The following MAP3K21 variants were observed in gnomAD, a reference collection of about 807,000 sequenced individuals.
MAP3K21 encodes mitogen-activated protein kinase kinase kinase MLK4.
A neutral mutation model predicts 86.1 loss-of-function variants in MAP3K21; 63 were observed. The ratio of observed to expected loss-of-function variants is 0.73; its 90% CI spans 0.60 to 0.90. The LOEUF (loss-of-function observed/expected upper bound fraction) is 0.90, where lower values mean the gene tolerates loss of function less well. Among genes scored for constraint, MAP3K21 ranks in the 40% least tolerant of loss-of-function variants. The pLI is 0.00. For synonymous variants in MAP3K21, 558 were observed against 564.8 expected (o/e 0.99, Z 0.17); for missense variants, 1,220 against 1,367.7 (o/e 0.89, Z 1.70).
intron 2 of MAP3K21, among the ~76,000 whole-genome samples, chr1:233,353,367 G>A (rs1025594753): frequency 3.3e-5 from 5 of 152,102 alleles, no homozygotes; most frequent in African/African-American, 1.2e-4. Context: ...TGTCAGCCCT[G>A]TGGCATGCAC....
chr1:233,331,084 G>T (rs1347767064), intron 1 of MAP3K21, among the ~76,000 whole-genome samples: 6 of 152,188 alleles, frequency 3.9e-5, no homozygotes, highest in African/African-American at 4.8e-5. Flanking sequence ...AGAAAAACTT[G>T]TATAGTGGAG....
intron 1 of MAP3K21, among the ~76,000 whole-genome samples, chr1:233,338,155 C>T (rs192447356): frequency 3.5e-4 from 53 of 152,302 alleles, no homozygotes; most frequent in Non-Finnish European, 5.9e-4. Context: ...GAGTATACTA[C>T]ATGTCCATGT....
At chr1:233,364,674 A>C (rs1177555621) in intron 5 of MAP3K21, among the ~76,000 whole-genome samples, 1 of 152,084 alleles carries the variant, frequency 6.6e-6, no homozygotes, top group African/African-American at 2.4e-5. Flanking sequence ...TTTTTACCTG[A>C]GTTGTTTTTT....
chr1:233,379,427 C>T lies in MAP3K21; in HGVS notation c.2421C>T (p.Phe807=). 6.2e-7 allele frequency: 1 copy of T among 1,614,234 alleles called. No individual in the cohort carries two copies. Among genetic ancestry groups the T allele is most frequent in the Non-Finnish European group, 8.5e-7 (1 of 1,180,044 alleles). Residue 807 remains phenylalanine (F), a synonymous_variant, in exon 9 of 10, where the codon TTC becomes TTT. Transcript: ENST00000366624. ...SALGILSTPS[F]STKCLLQMDS... ...TGGGCATCCTCTCCACACCTTCTTT[C>T]TCCACAAAGTGCCTGCTGCAGATGG...
At chr1:233,339,206 T>C (rs890249740) in intron 1 of MAP3K21, among the ~76,000 whole-genome samples, 4 of 37,934 alleles carry the variant, frequency 1.1e-4, no homozygotes, top group Non-Finnish European at 2.2e-4. Flanking sequence ...TTCTTCTTCT[T>C]CTTCTTCTTC....
Position 233,328,139 on chromosome 1 carries a change from G to C in MAP3K21, c.111G>C (p.Ser37=). The change falls in exon 1 of 10, where the codon TCG becomes TCC. Residue 37 remains serine, a synonymous_variant. Transcript: ENST00000366624. The surrounding 1 kb of genome is among the most constrained non-coding windows in gnomAD (Gnocchi z 8.7). ...CCACCTCCTCGGGCGGCTCGGCCTC[G>C]GCGGGCGCGGGGCTGTGGGCCGCGC... ...SSSTSSGGSA[S]AGAGLWAALY... 2 of 1,424,094 alleles carry C rather than the reference G, an allele frequency of 1.4e-6. No homozygotes were observed. 88.2% of individuals were successfully genotyped at this position (1,424,094 alleles called of 1,614,324 possible).
At chr1:233,338,338 C>T (rs1441510855) in intron 1 of MAP3K21, among the ~76,000 whole-genome samples, 1 of 152,200 alleles carries the variant, frequency 6.6e-6, no homozygotes, top group East Asian at 1.9e-4. Context: ...ATATGCGGAA[C>T]TCTCCTAGGC....
In MAP3K21 at chr1:233,353,957, T is replaced by C; in HGVS notation, c.1135+2T>C. On this transcript the variant is annotated splice_donor_variant, in intron 3 of 9. Coordinates refer to ENST00000366624, the MANE Select transcript of MAP3K21 (RefSeq NM_032435.3). LOFTEE classifies it high-confidence loss of function. ...AGCCGTTTGCCAAGCTCATGAAAGG[T>C]ATTGTGTGTGTGTGTGTGTGTCTTT... is the stretch of plus-strand genomic sequence containing the variant. 3 of 1,570,004 alleles carry C rather than the reference T, an allele frequency of 1.9e-6. No homozygotes were observed. The highest frequency in any genetic ancestry group is 2.6e-6 in the Non-Finnish European group (3 of 1,161,060).
intron 4 of MAP3K21, among the ~76,000 whole-genome samples, chr1:233,357,677 G>T (rs9970502): frequency 6.6e-6 from 1 of 152,112 alleles, no homozygotes; most frequent in African/African-American, 2.4e-5. Flanking sequence ...GGGAGAGGAT[G>T]GGGGAGCCTG....
Position 233,385,055 on chromosome 1 carries a change from G to A in MAP3K21, c.*2344G>A, listed in dbSNP as rs1663981401. On this transcript the variant is annotated 3_prime_UTR_variant, in exon 10 of 10. Coordinates refer to ENST00000366624, the MANE Select transcript of MAP3K21 (RefSeq NM_032435.3). ...CAGAGATTTAAGGCCTGGGCCTAAT[G>A]TGCTGTATTATGAAGCCTTGTGACT... is the stretch of plus-strand genomic sequence containing the variant. 1.3e-5 allele frequency: 2 copies of A among 152,194 alleles called. No individual in the cohort carries two copies. The highest frequency in any genetic ancestry group is 4.1e-4 in the South Asian group (2 of 4,834). The allele number at this position is 152,194 out of a possible 1,614,324, so 9.4% of individuals were successfully genotyped here. A position where few individuals can be genotyped will look rare whatever the true frequency, so the allele number is the denominator to read the frequency against.
chr1:233,372,539 T>A (rs1663705838), intron 6 of MAP3K21: 1 of 252,218 alleles, frequency 4.0e-6, no homozygotes, highest in Non-Finnish European at 7.4e-6. Flanking sequence ...TACTTCTGTT[T>A]CTTTCTTTGT....
intron 1 of MAP3K21, among the ~76,000 whole-genome samples, chr1:233,341,435 C>G (rs566155953): frequency 6.6e-6 from 1 of 152,198 alleles, no homozygotes; most frequent in Non-Finnish European, 1.5e-5. Context: ...AAACAATGGG[C>G]TTTTCATGGT....
intron 8 of MAP3K21, among the ~76,000 whole-genome samples, chr1:233,377,183 A>T (rs1663814676): frequency 6.6e-6 from 1 of 152,224 alleles, no homozygotes; most frequent in South Asian, 2.1e-4. Context: ...TAAATGAATC[A>T]TAATGATTTA....
intron 1 of MAP3K21, among the ~76,000 whole-genome samples, chr1:233,342,010 TTTG>T (rs1045385791): frequency 2.6e-5 from 4 of 152,164 alleles, no homozygotes; most frequent in South Asian, 2.1e-4. Context: ...TCCCCTGTAT[TTTG>T]TTGTTGTTGT....
chr1:233,327,764 G>A lies in MAP3K21; in HGVS notation c.-265G>A, dbSNP rs1468893969. On this transcript the variant is annotated 5_prime_UTR_variant, in exon 1 of 10. Transcript: ENST00000366624. ...TAAGGAGCGCGCGGCGGGCGGGCCG[G>A]CCGCAGGGCCTGGGCACGACCATGG... 1.4e-5 allele frequency: 4 copies of A among 281,786 alleles called. No homozygotes were observed. The highest frequency in any genetic ancestry group is 2.6e-5 in the Non-Finnish European group (4 of 152,686). 17.5% of individuals were successfully genotyped at this position (281,786 alleles called of 1,614,324 possible).
At chr1:233,372,009 T>C (rs776606671) in intron 5 of MAP3K21, 29 bp from the exon 6 acceptor site, 2 of 1,602,558 alleles carry the variant, frequency 1.2e-6, no homozygotes, top group Non-Finnish European at 1.7e-6. Context: ...AACCATGAAA[T>C]ACCAGTTCTC....
chr1:233,355,270 T>G (rs914947495), intron 4 of MAP3K21, among the ~76,000 whole-genome samples: 1 of 152,196 alleles, frequency 6.6e-6, no homozygotes, highest in Admixed American at 6.5e-5. Flanking sequence ...TAATGGACAC[T>G]TTGTATGCAT....
At chr1:233,366,001 T>C (rs552784910) in intron 5 of MAP3K21, among the ~76,000 whole-genome samples, 1 of 152,230 alleles carries the variant, frequency 6.6e-6, no homozygotes, top group Non-Finnish European at 1.5e-5. Context: ...GATGGAACAC[T>C]ATTCAGCCAT....
chr1:233,378,280 C>A (rs983728966), intron 8 of MAP3K21, among the ~76,000 whole-genome samples: 8 of 152,180 alleles, frequency 5.3e-5, no homozygotes, highest in African/African-American at 1.7e-4. Flanking sequence ...TAATTTGTAA[C>A]CTTTGGGATT....
Sources: allele counts gnomAD v4.1 joint callset (sites outside exome capture counted in the v4.1 genomes callset), GRCh38; gene constraint gnomAD v4.1.1; non-coding constraint Gnocchi (gnomAD v3.1); transcripts MANE v1.5; gene names NCBI Gene and HGNC (gene_info 2026-07-23, HGNC 2026-07-21).